Variants in TMED3 observed in about 807,000 individuals in gnomAD.
TMED3 encodes transmembrane p24 trafficking protein 3.
A neutral mutation model predicts 15.0 loss-of-function variants in TMED3; 9 were observed. That is an observed-to-expected ratio of 0.60 (90% CI 0.36 to 1.04). The LOEUF is 1.04. TMED3 is among the 50% of genes least tolerant of loss of function. The probability of loss-of-function intolerance (pLI) is 0.01; values close to 1 mark genes in which losing one functional copy is unlikely to be tolerated. For missense variants in TMED3, 267 were observed against 278.9 expected, an observed-to-expected ratio of 0.96 and a Z score of 0.30; for synonymous variants, 117 against 121.4, an observed-to-expected ratio of 0.96 and a Z score of 0.24.
At chr15:79,319,640 A>T (rs2058755877) in intron 2 of TMED3, among the ~76,000 whole-genome samples, 1 of 152,172 alleles carries the variant, frequency 6.6e-6, no homozygotes. Context: ...ACCAAGACGC[A>T]GAGACTGGTA....
chr15:79,392,651 G>C (rs148834240), intron 2 of TMED3, among the ~76,000 whole-genome samples: 3 of 152,232 alleles, frequency 2.0e-5, no homozygotes, highest in African/African-American at 7.2e-5. Context: ...TCTTTCTACT[G>C]TTTATTATTT....
chr15:79,315,642 T>C (rs2058737369), intron 2 of TMED3, among the ~76,000 whole-genome samples: 1 of 152,230 alleles, frequency 6.6e-6, no homozygotes, highest in African/African-American at 2.4e-5. Context: ...TTTGATTTTG[T>C]TGCAGGAAAG....
At chr15:79,311,886 GGTGAGGGCAGCAGAA>G (rs1167890343) in intron 1 of TMED3, among the ~76,000 whole-genome samples, 1 of 152,260 alleles carries the variant, frequency 6.6e-6, no homozygotes, top group East Asian at 1.9e-4. Flanking sequence ...GTTGGAGTGA[GGTGAGGGCAGCAGAA>G]GTGAGAATGG....
intron 2 of TMED3, among the ~76,000 whole-genome samples, chr15:79,343,817 C>T (rs2058859670): frequency 6.6e-6 from 1 of 152,174 alleles, no homozygotes; most frequent in African/African-American, 2.4e-5. Context: ...AAGGTAGTCT[C>T]ATTTACTGAG....
intron 2 of TMED3, among the ~76,000 whole-genome samples, chr15:79,316,953 G>A (rs535574574): frequency 6.6e-5 from 10 of 152,144 alleles, no homozygotes; most frequent in South Asian, 2.1e-4. Flanking sequence ...AGATCTCAGC[G>A]GATGGGGAAG....
At chr15:79,370,635 G>A (rs953959520) in intron 2 of TMED3, among the ~76,000 whole-genome samples, 3 of 152,106 alleles carry the variant, frequency 2.0e-5, no homozygotes, top group African/African-American at 7.2e-5. Context: ...AGTGTCACAT[G>A]TCTGTGTCTG....
chr15:79,357,186 T>G (rs576075616), intron 2 of TMED3, among the ~76,000 whole-genome samples: 1 of 152,168 alleles, frequency 6.6e-6, no homozygotes, highest in African/African-American at 2.4e-5. Context: ...TTTCATATTT[T>G]AAAAAAACAA....
chr15:79,322,252 C>A lies in TMED3; in HGVS notation c.*38C>A. The A allele has an allele frequency of 1.3e-6, 2 of 1,588,468 alleles. No homozygotes were observed. Among genetic ancestry groups the A allele is most frequent in the African/African-American group, 1.3e-5 (1 of 74,634 alleles). On this transcript the variant is annotated 3_prime_UTR_variant, in exon 3 of 3. Coordinates refer to ENST00000299705, the MANE Select transcript of TMED3 (RefSeq NM_007364.4). ...GCTCTAGGGCCCCTCATGCCCCAGG[C>A]TGGAGCAGCTCTCCTAGGTCACAGC...
chr15:79,353,841 T>C (rs947764076), intron 2 of TMED3, among the ~76,000 whole-genome samples: 2 of 152,186 alleles, frequency 1.3e-5, no homozygotes, highest in African/African-American at 4.8e-5. Flanking sequence ...TTTTTGCCTG[T>C]TCCCAGATTC....
intron 2 of TMED3, among the ~76,000 whole-genome samples, chr15:79,351,491 T>C (rs1048293732): frequency 1.1e-4 from 17 of 152,212 alleles, no homozygotes; most frequent in Admixed American, 1.1e-3. Flanking sequence ...TCTTTCACAA[T>C]AAAATACTTT....
intron 2 of TMED3, among the ~76,000 whole-genome samples, chr15:79,353,691 T>C (rs1488216841): frequency 3.3e-5 from 5 of 151,698 alleles, no homozygotes; most frequent in Non-Finnish European, 2.9e-5. Flanking sequence ...GTGTAATTGG[T>C]AGGTTTTGTG....
chr15:79,407,078 T>C lies in TMED3; in HGVS notation c.418-4322T>C, dbSNP rs547237187. Among the ~76,000 whole-genome samples, 68 of 152,196 alleles carry C rather than the reference T, an allele frequency of 4.5e-4. 1 individual carries two copies. Among genetic ancestry groups the C allele is most frequent in the Non-Finnish European group, 9.1e-4 (62 of 68,040 alleles). On this transcript the variant is annotated intron_variant, in intron 2 of 2. Transcript: ENST00000424155. ...GGATGCTGTCACACACGTGGTGGGC[T>C]CTCTGGTCTCAGTGAGTCCTTCTTA...
At chr15:79,347,529 C>T (rs997330082) in intron 2 of TMED3, among the ~76,000 whole-genome samples, 2 of 152,028 alleles carry the variant, frequency 1.3e-5, no homozygotes, top group African/African-American at 2.4e-5. Flanking sequence ...AAGTCACGGC[C>T]AGGGCAATCA....
At chr15:79,319,198 A>G (rs1258917284) in intron 2 of TMED3, among the ~76,000 whole-genome samples, 1 of 152,184 alleles carries the variant, frequency 6.6e-6, no homozygotes, top group African/African-American at 2.4e-5. Flanking sequence ...CCACCTTTCT[A>G]CGTGTGACAT....
intron 2 of TMED3, chr15:79,382,967 G>A (rs773618923): frequency 6.5e-7 from 1 of 1,535,402 alleles, no homozygotes; most frequent in Non-Finnish European, 8.7e-7. Flanking sequence ...TCTTTTCCAA[G>A]GGTCCCAGTG....
Position 79,361,825 on chromosome 15 carries a change from T to C in TMED3, c.417+47820T>C, listed in dbSNP as rs1338810317. Among the ~76,000 whole-genome samples the C allele has an allele frequency of 5.3e-5, 8 of 152,302 alleles. No individual in the cohort carries two copies. In the South Asian group the frequency reaches 1.7e-3, roughly 32 times the overall value. On this transcript the variant is annotated intron_variant, in intron 2 of 2. Coordinates refer to the TMED3 transcript ENST00000424155. ...ATGTCAAGAGAATCAAGTAAGCAAC[T>C]TAGAATTAACAAGAGATTTCGGAAT...
chr15:79,366,321 A>T (rs1322104408), intron 2 of TMED3, among the ~76,000 whole-genome samples: 1 of 152,150 alleles, frequency 6.6e-6, no homozygotes, highest in Non-Finnish European at 1.5e-5. Flanking sequence ...GATTCTGCCC[A>T]TTGCTCTCTT....
intron 2 of TMED3, among the ~76,000 whole-genome samples, chr15:79,392,977 C>G (rs1374007176): frequency 6.6e-6 from 1 of 152,194 alleles, no homozygotes; most frequent in Admixed American, 6.5e-5. Context: ...CAGGGATCCC[C>G]AGAAGTGAAA....
At chr15:79,314,507 C>T (rs1457093557) in intron 2 of TMED3, 1 of 454,922 alleles carries the variant, frequency 2.2e-6, no homozygotes, top group African/African-American at 2.0e-5. Flanking sequence ...AATCCAGGCT[C>T]ATTCTTTCTT....
Sources: allele counts gnomAD v4.1 joint callset (sites outside exome capture counted in the v4.1 genomes callset), GRCh38; gene constraint gnomAD v4.1.1; transcripts MANE v1.5; gene names NCBI Gene and HGNC (gene_info 2026-07-23, HGNC 2026-07-21).